Variants in EPB41L3 observed in about 807,000 individuals in gnomAD.
EPB41L3 encodes erythrocyte membrane protein band 4.1 like 3.
In EPB41L3, 57 loss-of-function variants were observed where a neutral mutation model predicts 127.1. The ratio of observed to expected loss-of-function variants is 0.45; its 90% CI spans 0.36 to 0.56. The LOEUF (loss-of-function observed/expected upper bound fraction) is 0.56, where lower values mean the gene tolerates loss of function less well. EPB41L3 is among the 20% of genes least tolerant of loss of function. The probability of loss-of-function intolerance (pLI) is 0.00; values close to 1 mark genes in which losing one functional copy is unlikely to be tolerated. For synonymous variants in EPB41L3, 572 were observed against 549.5 expected, an observed-to-expected ratio of 1.04 and a Z score of -0.57; for missense variants, 1,273 against 1,372.2, an observed-to-expected ratio of 0.93 and a Z score of 1.14.
At chr18:5,478,539 G>T in intron 2 of EPB41L3, 101 bp from the exon 3 acceptor site, 1 of 1,022,504 alleles carries the variant, frequency 9.8e-7, no homozygotes, top group Non-Finnish European at 1.5e-6. Flanking sequence ...TCATAGAGGA[G>T]AGGTATTGAA....
chr18:5,457,176 G>C (rs1460169687), intron 3 of EPB41L3, among the ~76,000 whole-genome samples: 3 of 74,002 alleles, frequency 4.1e-5, no homozygotes, highest in Non-Finnish European at 1.1e-4. Context: ...TTTCCTGTAA[G>C]CAACAACTCT....
chr18:5,552,762 A>G (rs2093983455), intron 3 of EPB41L3, among the ~76,000 whole-genome samples: 2 of 152,184 alleles, frequency 1.3e-5, no homozygotes, highest in Non-Finnish European at 2.9e-5. Context: ...GGTAGAATCT[A>G]TTATTACCCT....
At chr18:5,451,540 C>G (rs1208467563) in intron 3 of EPB41L3, among the ~76,000 whole-genome samples, 2 of 152,232 alleles carry the variant, frequency 1.3e-5, no homozygotes, top group South Asian at 2.1e-4. Context: ...AGCTGTGTCT[C>G]TGGGCACTCA....
intron 2 of EPB41L3, among the ~76,000 whole-genome samples, chr18:5,480,554 C>T (rs2088251050): frequency 6.6e-6 from 1 of 152,146 alleles, no homozygotes; most frequent in South Asian, 2.1e-4. Context: ...TACTATGTAC[C>T]AAAATCAGCT....
At chr18:5,422,760 T>A (rs570155790) in intron 11 of EPB41L3, among the ~76,000 whole-genome samples, 10 of 152,330 alleles carry the variant, frequency 6.6e-5, no homozygotes, top group African/African-American at 2.4e-4. Context: ...AAAGGTAGTT[T>A]GAATGATCAT....
At chr18:5,405,340 T>TATTGGGA (rs1330585651) in intron 16 of EPB41L3, among the ~76,000 whole-genome samples, 2 of 152,214 alleles carry the variant, frequency 1.3e-5, no homozygotes, top group Admixed American at 1.3e-4. Context: ...AAAGTGGTCT[T>TATTGGGA]ACAGAAAAGG....
At chr18:5,586,660 C>T (rs1479752551) in intron 3 of EPB41L3, among the ~76,000 whole-genome samples, 2 of 151,660 alleles carry the variant, frequency 1.3e-5, no homozygotes, top group African/African-American at 2.4e-5. Context: ...GCTCAGCCTC[C>T]TGAATTGCTG....
chr18:5,421,954 C>T (rs556778381), intron 11 of EPB41L3, among the ~76,000 whole-genome samples: 47 of 152,098 alleles, frequency 3.1e-4, no homozygotes, highest in Non-Finnish European at 5.3e-4. Context: ...AAACCGACTG[C>T]TTGTATCTCA....
At chr18:5,464,351 C>A (rs1342662632) in intron 3 of EPB41L3, among the ~76,000 whole-genome samples, 1 of 152,154 alleles carries the variant, frequency 6.6e-6, no homozygotes, top group Non-Finnish European at 1.5e-5. Flanking sequence ...ACTGAGGAAT[C>A]TTTACTCCTA....
At chr18:5,571,775 C>T (rs571550534) in intron 3 of EPB41L3, among the ~76,000 whole-genome samples, 6 of 152,214 alleles carry the variant, frequency 3.9e-5, no homozygotes, top group Admixed American at 2.6e-4. Flanking sequence ...AATAACTCCA[C>T]CCTTCCTCCA....
chr18:5,468,950 CAAACAAA>C (rs1243533954), intron 3 of EPB41L3, among the ~76,000 whole-genome samples: 60 of 126,408 alleles, frequency 4.7e-4, no homozygotes, highest in East Asian at 3.4e-3. Flanking sequence ...AACAAACAAA[CAAACAAA>C]AAACAAAAAA....
intron 3 of EPB41L3, among the ~76,000 whole-genome samples, chr18:5,468,296 G>A (rs11662552): frequency 0.3 from 45,644 of 152,010 alleles, 7,486 homozygotes; most frequent in East Asian, 0.47. Context: ...TGGCAGAAAG[G>A]GGTGGGTCCC....
chr18:5,488,579 G>GATAATAATAATAATAATA (rs1358108812), intron 2 of EPB41L3, among the ~76,000 whole-genome samples: 1,644 of 148,664 alleles, frequency 0.011, 33 homozygotes, highest in East Asian at 0.076. Flanking sequence ...TGATGATGAT[G>GATAATAATAATAATAATA]ATGATAATAA....
intron 3 of EPB41L3, chr18:5,609,995 G>A (rs1186359348): frequency 3.5e-6 from 2 of 578,604 alleles, no homozygotes; most frequent in Non-Finnish European, 4.4e-6. Context: ...TGATGCAGGA[G>A]GACTGAGTCT....
intron 2 of EPB41L3, chr18:5,480,109 G>T (rs1259601197): frequency 6.6e-6 from 1 of 152,118 alleles, no homozygotes; most frequent in East Asian, 1.9e-4. Context: ...AAGATACAAT[G>T]TCGCTTTTCC....
chr18:5,589,140 C>A (rs1261060737), intron 3 of EPB41L3, among the ~76,000 whole-genome samples: 1 of 152,112 alleles, frequency 6.6e-6, no homozygotes, highest in Non-Finnish European at 1.5e-5. Flanking sequence ...ACCGTAATTT[C>A]CTCTTTCCAT....
chr18:5,459,466 T>C (rs184426155), intron 3 of EPB41L3, among the ~76,000 whole-genome samples: 2 of 152,230 alleles, frequency 1.3e-5, no homozygotes, highest in East Asian at 3.9e-4. Flanking sequence ...TTTGTTTAAG[T>C]TTTCTAACTG....
chr18:5,512,642 AG>A (rs941734265), intron 1 of EPB41L3, among the ~76,000 whole-genome samples: 3 of 152,200 alleles, frequency 2.0e-5, no homozygotes, highest in Non-Finnish European at 4.4e-5. Context: ...AGGACCATTG[AG>A]GAATGCGTTT....
intron 3 of EPB41L3, among the ~76,000 whole-genome samples, chr18:5,471,099 G>T (rs1355596228): frequency 2.0e-5 from 3 of 152,172 alleles, no homozygotes; most frequent in Non-Finnish European, 4.4e-5. Context: ...CGTCAGGCAG[G>T]AAGACATTGA....
Sources: gnomAD v4.1 joint callset for allele counts (sites outside exome capture counted in the v4.1 genomes callset) on GRCh38, gnomAD v4.1.1 for gene constraint, MANE v1.5 for transcripts, NCBI Gene and HGNC (gene_info 2026-07-23, HGNC 2026-07-21) for gene names.